PCDHGB4: variants seen among roughly 807,000 people sequenced by gnomAD.
PCDHGB4 encodes the protein protocadherin gamma-B4.
Under a neutral mutation model 60.5 loss-of-function variants are expected in PCDHGB4, and 38 were observed. The ratio of observed to expected loss-of-function variants is 0.63; its 90% confidence interval spans 0.48 to 0.82. The LOEUF is 0.82. Ranked by LOEUF, PCDHGB4 falls within the 40% of genes least tolerant of loss-of-function variation. The pLI is 0.00. For synonymous variants in PCDHGB4, 456 were observed against 509.7 expected (o/e 0.89, Z 1.42); for missense variants, 1,109 against 1,209.6 (o/e 0.92, Z 1.23).
At chr5:141,452,000 A>G (rs2098730428) in intron 1 of PCDHGB4, among the ~76,000 whole-genome samples, 1 of 152,198 alleles carries the variant, frequency 6.6e-6, no homozygotes, top group Admixed American at 6.5e-5. Flanking sequence ...AAGCAAAATC[A>G]CTTGGTCCAG....
At chr5:141,404,354 G>C in intron 1 of PCDHGB4, 1 of 1,613,916 alleles carries the variant, frequency 6.2e-7, no homozygotes. Context: ...CAACGCCAGA[G>C]GTACTTCCAT....
At chr5:141,452,017 C>T (rs181614467) in intron 1 of PCDHGB4, among the ~76,000 whole-genome samples, 10 of 152,344 alleles carry the variant, frequency 6.6e-5, no homozygotes, top group Non-Finnish European at 1.2e-4. Flanking sequence ...CCAGCCCACA[C>T]TCTGGGGAGA....
At position 141,490,688 on chromosome 5, in the gene PCDHGB4, C is replaced by A; in HGVS notation, c.2398-4119C>A. ...ACTGTGGCTGCCTCAGATCCAGACA[C>A]TGGGGATAATGCCCGCCTCACCTAC... On this transcript the variant is annotated intron_variant, in intron 1 of 3. Coordinates refer to ENST00000519479, the MANE Select transcript of PCDHGB4 (RefSeq NM_003736.4). The surrounding 1 kb of genome is among the most constrained non-coding windows in gnomAD (Gnocchi z 5.4). The A allele has an allele frequency of 6.2e-7, 1 of 1,614,218 alleles. No individual in the cohort carries two copies. The highest frequency in any genetic ancestry group is 8.5e-7 in the Non-Finnish European group (1 of 1,180,032).
chr5:141,415,740 GTTTTTTTTT>G (rs57426385), intron 1 of PCDHGB4: 9,508 of 621,550 alleles, frequency 0.015, 13 homozygotes, highest in Non-Finnish European at 0.016. Context: ...GTTTATTAAG[GTTTTTTTTT>G]TTTTTTTTTT....
chr5:141,389,008 G>A lies in PCDHGB4; in HGVS notation c.1124G>A (p.Arg375Lys). The A allele has an allele frequency of 6.2e-7, 1 of 1,613,992 alleles. No homozygotes were observed. The part of the protein sequence containing the change: ...ALLKVRDKDS[R>K]HNGEVTCKLE... The stretch of plus-strand genomic sequence containing the variant: ...CTCAAAGTCCGTGACAAGGATTCCA[G>A]ACACAATGGAGAAGTGACTTGTAAA... Residue 375 changes from arginine (R) to lysine (K), a missense_variant, in exon 1 of 4, where the codon AGA (arginine) becomes AAA (lysine). Physicochemically the swap from Arg to Lys is conservative, Grantham distance 26 (BLOSUM62 2). Transcript: ENST00000519479.
chr5:141,405,229 C>T, intron 1 of PCDHGB4: 1 of 1,614,144 alleles, frequency 6.2e-7, no homozygotes, highest in Non-Finnish European at 8.5e-7. Context: ...AGTTCTCCCT[C>T]ACCGCTGACT....
intron 1 of PCDHGB4, chr5:141,433,291 T>C: frequency 9.1e-7 from 1 of 1,094,048 alleles, no homozygotes; most frequent in Non-Finnish European, 1.3e-6. Context: ...ACTCCTAGGC[T>C]CAAGCAATTA....
chr5:141,400,299 A>C, intron 1 of PCDHGB4: 1 of 1,613,834 alleles, frequency 6.2e-7, no homozygotes, highest in South Asian at 1.1e-5. Context: ...GCTGCTTCCA[A>C]CCTGGTCTCT....
At chr5:141,407,961 A>C in intron 1 of PCDHGB4, 1 of 672,320 alleles carries the variant, frequency 1.5e-6, no homozygotes, top group Non-Finnish European at 2.4e-6. Context: ...AGTGCAGAGC[A>C]AGCGCTGACG....
chr5:141,393,712 A>G, intron 1 of PCDHGB4: 1 of 1,613,874 alleles, frequency 6.2e-7, no homozygotes, highest in Non-Finnish European at 8.5e-7. Flanking sequence ...AATACTGGGG[A>G]AATATCAATA....
intron 1 of PCDHGB4, among the ~76,000 whole-genome samples, chr5:141,456,381 G>T (rs1296419395): frequency 6.6e-6 from 1 of 152,110 alleles, no homozygotes; most frequent in Admixed American, 6.6e-5. Context: ...TTACAGCACC[G>T]TTTGGAGTTT....
chr5:141,404,992 C>G (rs2094593837), intron 1 of PCDHGB4: 5 of 1,613,876 alleles, frequency 3.1e-6, no homozygotes, highest in Admixed American at 3.3e-5. Context: ...GTCTTCAGAT[C>G]CCTGCAGACC....
intron 3 of PCDHGB4, chr5:141,508,415 A>T (rs2099868684): frequency 6.6e-6 from 1 of 152,158 alleles, no homozygotes; most frequent in Non-Finnish European, 1.5e-5. Context: ...CCACGCAGAG[A>T]CTTGACCAAG....
intron 1 of PCDHGB4, chr5:141,394,269 C>G (rs367765478): frequency 1.1e-5 from 17 of 1,613,830 alleles, no homozygotes; most frequent in Admixed American, 1.7e-5. Flanking sequence ...GGAGAATGCC[C>G]AGGTCACTTA....
chr5:141,417,141 C>T (rs1455831459), intron 1 of PCDHGB4: 1 of 152,018 alleles, frequency 6.6e-6, no homozygotes, highest in Non-Finnish European at 1.5e-5. Context: ...ATGACTAGGG[C>T]AATGGTTGCA....
rs530054362 is a variant in PCDHGB4 at position 141,486,066 on chromosome 5, C to G, written c.2398-8741C>G. ...AGAAACCTCTTTAGCCTGCACCCCACTACTGGAAAGCTTACTCTTTTGGGG... is the reference window on the plus strand; with the variant it reads ...AGAAACCTCTTTAGCCTGCACCCCAGTACTGGAAAGCTTACTCTTTTGGGG... On this transcript the variant is annotated intron_variant, in intron 1 of 3. Coordinates refer to ENST00000519479, the MANE Select transcript of PCDHGB4 (RefSeq NM_003736.4). This position sits in a 1 kb window ranked among gnomAD's most constrained non-coding sequence, Gnocchi z 5.0. The G allele has an allele frequency of 3.1e-6, 5 of 1,614,166 alleles. No homozygotes were observed. In the African/African-American group the frequency reaches 5.3e-5, roughly 17 times the overall value.
At position 141,486,094 on chromosome 5, in the gene PCDHGB4, C is replaced by G. The variant is rs749887136; in HGVS notation, c.2398-8713C>G. 2 of 1,614,112 alleles carry G rather than the reference C, an allele frequency of 1.2e-6. No homozygotes were observed. Among genetic ancestry groups the G allele is most frequent in the Admixed American group, 3.3e-5 (2 of 60,018 alleles). ...CTGGAAAGCTTACTCTTTTGGGGCCCCTAGACTTTGAGAGTGAGAATTACT... is the reference window on the plus strand; with the variant it reads ...CTGGAAAGCTTACTCTTTTGGGGCCGCTAGACTTTGAGAGTGAGAATTACT... On this transcript the variant is annotated intron_variant, in intron 1 of 3. Coordinates refer to ENST00000519479, the MANE Select transcript of PCDHGB4 (RefSeq NM_003736.4). The surrounding 1 kb of genome is among the most constrained non-coding windows in gnomAD (Gnocchi z 5.0).
At chr5:141,451,185 T>C (rs900513875) in intron 1 of PCDHGB4, among the ~76,000 whole-genome samples, 1 of 152,182 alleles carries the variant, frequency 6.6e-6, no homozygotes, top group Non-Finnish European at 1.5e-5. Context: ...GCCATTGCTG[T>C]GTAACAAATT....
At chr5:141,427,120 TC>T (rs1212765591) in intron 1 of PCDHGB4, 1 of 457,342 alleles carries the variant, frequency 2.2e-6, no homozygotes, top group African/African-American at 2.0e-5. Context: ...ACCTACTCTT[TC>T]AAATCCCTAC....
Sources: allele counts gnomAD v4.1 joint callset (sites outside exome capture counted in the v4.1 genomes callset), GRCh38; gene constraint gnomAD v4.1.1; non-coding constraint Gnocchi (gnomAD v3.1); transcripts MANE v1.5; gene names NCBI Gene and HGNC (gene_info 2026-07-23, HGNC 2026-07-21).